The following TENM4 variants were observed in gnomAD, a reference collection of about 807,000 sequenced individuals.
TENM4 encodes teneurin-4.
Under a neutral mutation model 243.3 loss-of-function variants are expected in TENM4, and 82 were observed. The ratio of observed to expected loss-of-function variants is 0.34; its 90% CI spans 0.28 to 0.40. The LOEUF is 0.40. TENM4 is among the 10% of genes least tolerant of loss of function. TENM4 has a pLI of 1.00. For missense variants in TENM4, 3,138 were observed against 3,673.3 expected, an observed-to-expected ratio of 0.85 and a Z score of 3.77; for synonymous variants, 1,412 against 1,456.3, an observed-to-expected ratio of 0.97 and a Z score of 0.69.
At chr11:79,335,632 C>A (rs1247655921) in intron 1 of TENM4, among the ~76,000 whole-genome samples, 1 of 152,176 alleles carries the variant, frequency 6.6e-6, no homozygotes, top group African/African-American at 2.4e-5. Flanking sequence ...TCTATAAGCA[C>A]TGAGACCAGA....
At chr11:78,946,940 A>C (rs1857012397) in intron 6 of TENM4, among the ~76,000 whole-genome samples, 1 of 152,206 alleles carries the variant, frequency 6.6e-6, no homozygotes, top group South Asian at 2.1e-4. Context: ...CTTGTGATGG[A>C]AACTACTCTT....
intron 15 of TENM4, among the ~76,000 whole-genome samples, chr11:78,799,275 G>C (rs1457517856): frequency 6.6e-6 from 1 of 152,138 alleles, no homozygotes; most frequent in African/African-American, 2.4e-5. Flanking sequence ...TCTTCATCTA[G>C]AGTCAATGAC....
intron 18 of TENM4, among the ~76,000 whole-genome samples, chr11:78,764,940 G>A (rs1856512480): frequency 6.6e-6 from 1 of 152,002 alleles, no homozygotes; most frequent in Non-Finnish European, 1.5e-5. Context: ...GAATGGGGGT[G>A]TGGGCGGGGG....
At chr11:78,846,411 A>T (rs567192922) in intron 12 of TENM4, among the ~76,000 whole-genome samples, 1 of 152,208 alleles carries the variant, frequency 6.6e-6, no homozygotes, top group East Asian at 1.9e-4. Flanking sequence ...GTGACAGTAC[A>T]TGCCTGCTCA....
intron 6 of TENM4, among the ~76,000 whole-genome samples, chr11:78,988,617 T>C (rs936955398): frequency 3.3e-5 from 5 of 152,226 alleles, no homozygotes; most frequent in African/African-American, 1.2e-4. Flanking sequence ...TGCAGGTAGC[T>C]GTTTCTCAAT....
chr11:79,095,062 G>T (rs1420842631), intron 4 of TENM4, among the ~76,000 whole-genome samples: 1 of 152,152 alleles, frequency 6.6e-6, no homozygotes, highest in Non-Finnish European at 1.5e-5. Context: ...GCATCAGCCT[G>T]GGCATTTTTG....
intron 4 of TENM4, among the ~76,000 whole-genome samples, chr11:79,123,945 C>A (rs1402095830): frequency 6.6e-6 from 1 of 152,176 alleles, no homozygotes; most frequent in East Asian, 1.9e-4. Context: ...GATCACTCAA[C>A]AGGGAAAACT....
intron 1 of TENM4, among the ~76,000 whole-genome samples, chr11:79,416,799 A>G (rs914149920): frequency 2.6e-5 from 4 of 152,236 alleles, no homozygotes; most frequent in East Asian, 3.9e-4. Context: ...TATGCCTGCT[A>G]CTAACACTGC....
At chr11:79,015,325 A>C (rs1290478242) in intron 6 of TENM4, among the ~76,000 whole-genome samples, 1 of 152,212 alleles carries the variant, frequency 6.6e-6, no homozygotes. Context: ...CCTTTGCTGC[A>C]CTGAGTGACG....
chr11:78,855,016 C>T (rs1282369526), intron 11 of TENM4, among the ~76,000 whole-genome samples: 1 of 152,064 alleles, frequency 6.6e-6, no homozygotes, highest in Non-Finnish European at 1.5e-5. Flanking sequence ...GTGGTTAAGT[C>T]CTACTGGCCT....
intron 2 of TENM4, among the ~76,000 whole-genome samples, chr11:79,262,841 A>G (rs142627853): frequency 2.6e-5 from 4 of 152,366 alleles, no homozygotes; most frequent in Admixed American, 2.6e-4. Context: ...ATGGGAGGAT[A>G]TCTTCGAGGA....
chr11:78,946,330 A>T (rs1857001247), intron 6 of TENM4, among the ~76,000 whole-genome samples: 1 of 152,244 alleles, frequency 6.6e-6, no homozygotes, highest in African/African-American at 2.4e-5. Flanking sequence ...CAAAGACTGG[A>T]TGATGGCACA....
At chr11:79,102,155 G>C (rs1861248458) in intron 4 of TENM4, among the ~76,000 whole-genome samples, 1 of 152,254 alleles carries the variant, frequency 6.6e-6, no homozygotes, top group Non-Finnish European at 1.5e-5. Context: ...GATCAGGACA[G>C]TGTCTGACAA....
intron 12 of TENM4, among the ~76,000 whole-genome samples, chr11:78,826,041 T>C (rs1335899544): frequency 6.7e-6 from 1 of 148,262 alleles, no homozygotes; most frequent in Non-Finnish European, 1.5e-5. Context: ...AGCTCTCTAC[T>C]ACTTACAAAC....
At chr11:79,324,370 T>C (rs988382826) in intron 1 of TENM4, among the ~76,000 whole-genome samples, 5 of 151,866 alleles carry the variant, frequency 3.3e-5, no homozygotes, top group African/African-American at 1.2e-4. Flanking sequence ...TATAAGTACA[T>C]ACCACTATGC....
In TENM4 at chr11:78,702,232, C is replaced by T. The variant is rs953107198; in HGVS notation, c.4381G>A (p.Val1461Met). The change falls in exon 28 of 34, where the codon GTG becomes ATG. Residue 1461 changes from valine (V) to methionine (M), a missense_variant. Physicochemically the swap from Val to Met is conservative, Grantham distance 21. Coordinates refer to ENST00000278550, the MANE Select transcript of TENM4 (RefSeq NM_001098816.3). ...GACTCCAGGGTTGCGTGGATGGCCA[C>T]CTTGCTTAGCAGGAAGTGGTCAATG... The part of the protein sequence containing the change: ...PGIDHFLLSK[V>M]AIHATLESAT... The T allele has an allele frequency of 3.1e-6, 5 of 1,613,902 alleles. No individual in the cohort carries two copies. The African/African-American group carries it at 5.3e-5, about 17-fold the overall frequency.
chr11:78,694,619 T>C (rs1858910588), intron 28 of TENM4, among the ~76,000 whole-genome samples: 2 of 152,314 alleles, frequency 1.3e-5, no homozygotes, highest in South Asian at 2.1e-4. Flanking sequence ...ATGGCTAACA[T>C]GTCACACAGC....
chr11:79,427,558 G>A (rs895342858), intron 1 of TENM4, among the ~76,000 whole-genome samples: 17 of 152,076 alleles, frequency 1.1e-4, no homozygotes, highest in Non-Finnish European at 1.5e-4. Flanking sequence ...ATTTTACATA[G>A]AAACAATACT....
chr11:78,876,395 T>C (rs116074270), intron 9 of TENM4, among the ~76,000 whole-genome samples: 1,528 of 152,312 alleles, frequency 0.01, 20 homozygotes, highest in African/African-American at 0.034. Flanking sequence ...AATGCACAAA[T>C]GGACACTTTA....
Sources: allele counts gnomAD v4.1 joint callset (sites outside exome capture counted in the v4.1 genomes callset), GRCh38; gene constraint gnomAD v4.1.1; transcripts MANE v1.5; gene names NCBI Gene and HGNC (gene_info 2026-07-23, HGNC 2026-07-21).